Variants in CAB39 observed in about 807,000 individuals in gnomAD.
CAB39 encodes the protein calcium-binding protein 39.
CAB39 carries 8 observed loss-of-function variants against 40.0 expected under a neutral mutation model. The ratio of observed to expected loss-of-function variants is 0.20; its 90% CI spans 0.12 to 0.36. The LOEUF is 0.36. CAB39 is among the 10% of genes least tolerant of loss of function. The pLI is 1.00. For synonymous variants in CAB39, 156 were observed against 141.6 expected (o/e 1.10, Z -0.72); for missense variants, 270 against 401.1 (o/e 0.67, Z 2.79).
At chr2:230,748,616 G>A (rs1695016968) in intron 1 of CAB39, among the ~76,000 whole-genome samples, 1 of 151,500 alleles carries the variant, frequency 6.6e-6, no homozygotes, top group African/African-American at 2.4e-5. Context: ...GACCAGCCTG[G>A]CCAGCATGGT....
intron 1 of CAB39, among the ~76,000 whole-genome samples, chr2:230,755,412 A>G (rs1695172011): frequency 6.6e-6 from 1 of 151,992 alleles, no homozygotes. Context: ...CATTTTTTTC[A>G]TATGTTCATT....
At chr2:230,777,956 C>T (rs1373117928) in intron 2 of CAB39, among the ~76,000 whole-genome samples, 1 of 152,134 alleles carries the variant, frequency 6.6e-6, no homozygotes, top group South Asian at 2.1e-4. Context: ...GCCAAATTGC[C>T]CTCCAGTAAA....
chr2:230,765,079 T>G (rs1440050447), intron 2 of CAB39, among the ~76,000 whole-genome samples: 3 of 152,150 alleles, frequency 2.0e-5, no homozygotes, highest in African/African-American at 7.2e-5. Flanking sequence ...CTCTGCCTCC[T>G]GGGTTCAAGA....
chr2:230,813,035 A>G (rs1209967350), intron 6 of CAB39, among the ~76,000 whole-genome samples: 1 of 152,218 alleles, frequency 6.6e-6, no homozygotes, highest in Non-Finnish European at 1.5e-5. Context: ...TCATGGACAG[A>G]TGACAAAGCA....
At chr2:230,738,943 G>T (rs1559593527) in intron 1 of CAB39, among the ~76,000 whole-genome samples, 1 of 152,150 alleles carries the variant, frequency 6.6e-6, no homozygotes, top group Non-Finnish European at 1.5e-5. Flanking sequence ...CCACTCTCAG[G>T]TATGACTTTA....
intron 8 of CAB39, 177 bp downstream of exon 8, chr2:230,818,074 T>C (rs1445098365): frequency 1.7e-6 from 1 of 598,810 alleles, no homozygotes; most frequent in African/African-American, 1.9e-5. Flanking sequence ...TGGAAACGGG[T>C]TACTGTTTGG....
intron 2 of CAB39, among the ~76,000 whole-genome samples, chr2:230,763,980 G>T (rs1464495836): frequency 1.3e-5 from 2 of 151,990 alleles, no homozygotes; most frequent in Non-Finnish European, 2.9e-5. Context: ...AAATTAGCCG[G>T]GTGTGGTGGC....
intron 5 of CAB39, among the ~76,000 whole-genome samples, chr2:230,808,076 CTTTTT>C (rs1553678088): frequency 9.0e-6 from 1 of 110,796 alleles, no homozygotes; most frequent in African/African-American, 5.0e-5. Context: ...CTTTTCTTTT[CTTTTT>C]TTTTTTAATT....
At chr2:230,763,187 T>G (rs1200382767) in intron 2 of CAB39, among the ~76,000 whole-genome samples, 3 of 152,232 alleles carry the variant, frequency 2.0e-5, no homozygotes, top group African/African-American at 7.2e-5. Context: ...TAGCATTGTT[T>G]TAAGTTTTGA....
At chr2:230,778,232 A>C (rs1252428894) in intron 2 of CAB39, among the ~76,000 whole-genome samples, 1 of 152,136 alleles carries the variant, frequency 6.6e-6, no homozygotes, top group Non-Finnish European at 1.5e-5. Flanking sequence ...CTTGTATCTC[A>C]CCAAGTAAAG....
chr2:230,796,791 T>G (rs1695994403), intron 4 of CAB39, among the ~76,000 whole-genome samples: 1 of 151,564 alleles, frequency 6.6e-6, no homozygotes, highest in African/African-American at 2.4e-5. Context: ...AAGATGGGAG[T>G]TCCTAGTAGT....
chr2:230,783,251 C>T (rs1198517326), intron 2 of CAB39, among the ~76,000 whole-genome samples: 1 of 152,174 alleles, frequency 6.6e-6, no homozygotes, highest in Non-Finnish European at 1.5e-5. Flanking sequence ...GACATATGCT[C>T]ATTAAGTGAA....
At chr2:230,785,013 G>T (rs1238680473) in intron 2 of CAB39, among the ~76,000 whole-genome samples, 1 of 152,214 alleles carries the variant, frequency 6.6e-6, no homozygotes, top group Non-Finnish European at 1.5e-5. Context: ...TCCAGGACTA[G>T]TTAAGGAAGC....
intron 1 of CAB39, among the ~76,000 whole-genome samples, chr2:230,722,651 G>A (rs1385905336): frequency 6.6e-6 from 1 of 152,256 alleles, no homozygotes; most frequent in East Asian, 1.9e-4. Flanking sequence ...TGAGGATTCA[G>A]TAAGAATGCC....
At chr2:230,817,961 A>G (rs2124988572) in intron 8 of CAB39, 64 bp downstream of exon 8, 1 of 1,433,214 alleles carries the variant, frequency 7.0e-7, no homozygotes, top group Non-Finnish European at 9.6e-7. Context: ...TCATTCGCAA[A>G]TAACGGAAAT....
chr2:230,741,538 C>CT (rs967800666), intron 1 of CAB39, among the ~76,000 whole-genome samples: 8 of 152,232 alleles, frequency 5.3e-5, no homozygotes, highest in Non-Finnish European at 7.4e-5. Flanking sequence ...TGGAGTCTCA[C>CT]TTTTTTTGCC....
chr2:230,789,366 C>G (rs1474530451), intron 2 of CAB39, among the ~76,000 whole-genome samples: 1 of 152,148 alleles, frequency 6.6e-6, no homozygotes, highest in Middle Eastern at 3.2e-3. Flanking sequence ...TGTGCCATTT[C>G]CACAGCTGTT....
intron 1 of CAB39, among the ~76,000 whole-genome samples, chr2:230,753,767 A>G (rs1299763340): frequency 6.6e-6 from 1 of 151,974 alleles, no homozygotes; most frequent in African/African-American, 2.4e-5. Context: ...AAAGAAAAGA[A>G]AAAACCATTT....
At chr2:230,804,676 G>A (rs1211592940) in intron 5 of CAB39, among the ~76,000 whole-genome samples, 6 of 152,204 alleles carry the variant, frequency 3.9e-5, no homozygotes, top group Non-Finnish European at 7.3e-5. Flanking sequence ...TCAGAGAAAT[G>A]CAAATCAAAA....
Sources: allele counts gnomAD v4.1 joint callset (sites outside exome capture counted in the v4.1 genomes callset), GRCh38; gene constraint gnomAD v4.1.1; transcripts MANE v1.5; gene names NCBI Gene and HGNC (gene_info 2026-07-23, HGNC 2026-07-21).